Variants in ATP1A1 observed in about 807,000 individuals in gnomAD.
ATP1A1 encodes ATPase Na+/K+ transporting subunit alpha 1, also known as sodium/potassium-transporting ATPase subunit alpha-1.
A neutral mutation model predicts 114.8 loss-of-function variants in ATP1A1; 14 were observed. That is an observed-to-expected ratio of 0.12 (90% CI 0.08 to 0.19). The LOEUF is 0.19. Ranked by LOEUF, ATP1A1 falls within the 10% of genes least tolerant of loss-of-function variation. The pLI, the probability that ATP1A1 is intolerant of heterozygous loss-of-function variation, is 1.00. For synonymous variants in ATP1A1, 471 were observed against 466.3 expected, an observed-to-expected ratio of 1.01 and a Z score of -0.13; for missense variants, 524 against 1,290.7, an observed-to-expected ratio of 0.41 and a Z score of 9.10.
At chr1:116,396,276 C>CTTTT (rs367825500) in intron 13 of ATP1A1, among the ~76,000 whole-genome samples, 1,390 of 102,518 alleles carry the variant, frequency 0.014, 15 homozygotes, top group African/African-American at 0.035. Context: ...GATTTTTATC[C>CTTTT]TTTTTTTTTT....
At position 116,389,085 on chromosome 1, in the gene ATP1A1, C is replaced by A; in HGVS notation, c.754+66C>A. ...CTCTTGGGCATTAACAAAATCAAAACCATAGGCACAATCTCTTGTTTTATT... is the reference window on the plus strand; with the variant it reads ...CTCTTGGGCATTAACAAAATCAAAAACATAGGCACAATCTCTTGTTTTATT... On this transcript the variant is annotated intron_variant, in intron 7 of 22. Coordinates refer to ENST00000295598, the MANE Select transcript of ATP1A1 (RefSeq NM_000701.8). The surrounding 1 kb of genome is among the most constrained non-coding windows in gnomAD (Gnocchi z 6.9). 1 of 1,379,406 alleles carries A rather than the reference C, an allele frequency of 7.2e-7. No individual in the cohort carries two copies. The highest frequency in any genetic ancestry group is 1.0e-6 in the Non-Finnish European group (1 of 973,676). 85.4% of individuals were successfully genotyped at this position (1,379,406 alleles called of 1,614,324 possible). A position where few individuals can be genotyped will look rare whatever the true frequency, so the allele number is the denominator to read the frequency against.
Position 116,397,884 on chromosome 1 carries a change from C to A in ATP1A1, c.1974-4C>A, listed in dbSNP as rs764413614. Reference sequence around the variant, plus strand: ...CTTTTTTTTTTTTTTTGTCCTAATTCTAGGGATGCCAAGGCCTGCGTAGTA... The same window carrying A: ...CTTTTTTTTTTTTTTTGTCCTAATTATAGGGATGCCAAGGCCTGCGTAGTA... On this transcript the variant is annotated splice_region_variant and splice_polypyrimidine_tract_variant and intron_variant, in intron 14 of 22. Coordinates refer to ENST00000295598, the MANE Select transcript of ATP1A1 (RefSeq NM_000701.8). This position sits in a 1 kb window ranked among gnomAD's most constrained non-coding sequence, Gnocchi z 4.2. 2 of 1,525,932 alleles carry A rather than the reference C, an allele frequency of 1.3e-6. No individual in the cohort carries two copies. The highest frequency in any genetic ancestry group is 8.7e-7 in the Non-Finnish European group (1 of 1,145,116). 94.5% of individuals were successfully genotyped at this position (1,525,932 alleles called of 1,614,324 possible).
Position 116,385,320 on chromosome 1 carries a change from C to T in ATP1A1, c.183+478C>T, listed in dbSNP as rs1652012749. On this transcript the variant is annotated intron_variant, in intron 3 of 22. Transcript: ENST00000295598. The surrounding 1 kb of genome is among the most constrained non-coding windows in gnomAD (Gnocchi z 4.3). ...TCATTTAGTTGGAAATTGTTTTGTA[C>T]AAAAATTAAAGAAACCTTTTCATAA... 1 of 158,100 alleles carries T rather than the reference C, an allele frequency of 6.3e-6. No individual in the cohort carries two copies. The highest frequency in any genetic ancestry group is 1.8e-4 in the South Asian group (1 of 5,440). 9.8% of individuals were successfully genotyped at this position (158,100 alleles called of 1,614,324 possible).
rs1052589686 is a variant in ATP1A1 at position 116,404,212 on chromosome 1, C to T, written c.3044-204C>T. On this transcript the variant is annotated intron_variant, in intron 22 of 22. Coordinates refer to ENST00000295598, the MANE Select transcript of ATP1A1 (RefSeq NM_000701.8). The surrounding 1 kb of genome is among the most constrained non-coding windows in gnomAD (Gnocchi z 4.8). ...CAAACCAAGTATGATTTAGTGAAAA[C>T]TTGTCAGAATCTAAACCATCTTTCC... Among the ~76,000 whole-genome samples, 10 of 152,194 alleles carry T rather than the reference C, an allele frequency of 6.6e-5. No homozygotes were observed. Among genetic ancestry groups the T allele is most frequent in the Non-Finnish European group, 1.3e-4 (9 of 68,026 alleles).
intron 10 of ATP1A1, 49 bp downstream of exon 10, chr1:116,390,940 C>T: frequency 6.6e-7 from 1 of 1,513,316 alleles, no homozygotes; most frequent in Non-Finnish European, 9.2e-7. Flanking sequence ...CACATGAGAA[C>T]TGCCATTTGA....
rs1368898009 is a variant in ATP1A1, at chr1:116,395,684, G to A, written c.1836+399G>A. Among the ~76,000 whole-genome samples, 1 of 152,152 alleles carries A rather than the reference G, an allele frequency of 6.6e-6. No individual in the cohort carries two copies. The highest frequency in any genetic ancestry group is 2.4e-5 in the African/African-American group (1 of 41,408). ...TGTATCTGTCTTTTTTTAAGTAGCT[G>A]AATATTACTCAAGTGCACTAATATC... On this transcript the variant is annotated intron_variant, in intron 13 of 22. Coordinates refer to ENST00000295598, the MANE Select transcript of ATP1A1 (RefSeq NM_000701.8). This position sits in a 1 kb window ranked among gnomAD's most constrained non-coding sequence, Gnocchi z 6.4.
chr1:116,375,198 A>G (rs1389778201), intron 1 of ATP1A1, among the ~76,000 whole-genome samples: 1 of 152,262 alleles, frequency 6.6e-6, no homozygotes, highest in Non-Finnish European at 1.5e-5. Context: ...GTGTGCCCCA[A>G]GCCTAGGAAG....
rs143154361 is a variant in ATP1A1, at chr1:116,398,934, T to A, written c.2298T>A (p.Arg766=). The A allele has an allele frequency of 1.9e-6, 3 of 1,614,190 alleles. No homozygotes were observed. Among genetic ancestry groups the A allele is most frequent in the Non-Finnish European group, 2.5e-6 (3 of 1,179,992 alleles). The change falls in exon 17 of 23, where the codon CGT becomes CGA. Residue 766 remains arginine (R), a synonymous_variant. Coordinates refer to ENST00000295598, the MANE Select transcript of ATP1A1 (RefSeq NM_000701.8). This position sits in a 1 kb window ranked among gnomAD's most constrained non-coding sequence, Gnocchi z 6.1. ...AAAAAATCTTGGTTTTCATAGGTCG[T>A]CTGATCTTTGATAACTTGAAGAAAT... is the stretch of plus-strand genomic sequence containing the variant. ...ASIVTGVEEG[R]LIFDNLKKSI... is the part of the protein sequence containing the mutation.
chr1:116,377,397 T>C (rs1021510139), intron 1 of ATP1A1, among the ~76,000 whole-genome samples: 4 of 152,224 alleles, frequency 2.6e-5, no homozygotes, highest in Non-Finnish European at 4.4e-5. Context: ...CTTGCAAAAT[T>C]AGAGAGCAGT....
chr1:116,393,044 G>A lies in ATP1A1; in HGVS notation c.1467+56G>A. 6.3e-7 allele frequency: 1 copy of A among 1,598,954 alleles called. No individual in the cohort carries two copies. Among genetic ancestry groups the A allele is most frequent in the East Asian group, 2.2e-5 (1 of 44,560 alleles). Reference sequence around the variant, plus strand: ...AGGGCAAGCTGGGGGACAAAGAGGGGAGGTACATGAGCAGGAAGAGGAAAT... The same window carrying A: ...AGGGCAAGCTGGGGGACAAAGAGGGAAGGTACATGAGCAGGAAGAGGAAAT... On this transcript the variant is annotated intron_variant, in intron 11 of 22. Transcript: ENST00000295598. This position sits in a 1 kb window ranked among gnomAD's most constrained non-coding sequence, Gnocchi z 5.0.
Position 116,389,413 on chromosome 1 carries a change from C to G in ATP1A1, c.755-26C>G, listed in dbSNP as rs1315411361. The G allele has an allele frequency of 6.2e-7, 1 of 1,612,150 alleles. No individual in the cohort carries two copies. The highest frequency in any genetic ancestry group is 1.7e-5 in the Admixed American group (1 of 59,980). ...CCTTCAGGTTAGATACAATTAGGTA[C>G]AGTTCTCCCTCCCCTTCTTTTTAAG... is the stretch of plus-strand genomic sequence containing the variant. On this transcript the variant is annotated intron_variant, in intron 7 of 22. Coordinates refer to ENST00000295598, the MANE Select transcript of ATP1A1 (RefSeq NM_000701.8). This position sits in a 1 kb window ranked among gnomAD's most constrained non-coding sequence, Gnocchi z 6.9.
chr1:116,375,322 T>G (rs932340597), intron 1 of ATP1A1, among the ~76,000 whole-genome samples: 17 of 152,162 alleles, frequency 1.1e-4, no homozygotes, highest in African/African-American at 4.1e-4. Flanking sequence ...TAACATTGAG[T>G]TCTTTATACA....
intron 13 of ATP1A1, 61 bp from the exon 14 acceptor site, chr1:116,396,537 A>G (rs1652947987): frequency 1.9e-6 from 3 of 1,591,870 alleles, no homozygotes; most frequent in Admixed American, 1.7e-5. Context: ...CCTACTGGAT[A>G]TAAGACTTTA....
chr1:116,398,879 T>C lies in ATP1A1; in HGVS notation c.2294-51T>C, dbSNP rs1308301150. On this transcript the variant is annotated intron_variant, in intron 16 of 22. Transcript: ENST00000295598. This position sits in a 1 kb window ranked among gnomAD's most constrained non-coding sequence, Gnocchi z 6.1. ...GTATACTTCTTGGATATGTTCAGTTTCCAGTGTGCTTGTCTCATAAGCTAA... is the reference window on the plus strand; with the variant it reads ...GTATACTTCTTGGATATGTTCAGTTCCCAGTGTGCTTGTCTCATAAGCTAA... The C allele has an allele frequency of 6.2e-7, 1 of 1,611,990 alleles. No individual in the cohort carries two copies. The highest frequency in any genetic ancestry group is 1.7e-5 in the Admixed American group (1 of 59,970).
chr1:116,401,396 A>C lies in ATP1A1; in HGVS notation c.2849+136A>C. On this transcript the variant is annotated intron_variant, in intron 20 of 22. Transcript: ENST00000295598. This position sits in a 1 kb window ranked among gnomAD's most constrained non-coding sequence, Gnocchi z 4.7. Reference sequence around the variant, plus strand: ...CTCTAGTTTATAGAGCAAATTTAGGAAGCAAGAAATGTAGCTTTCTAGTTT... The same window carrying C: ...CTCTAGTTTATAGAGCAAATTTAGGCAGCAAGAAATGTAGCTTTCTAGTTT... 5 of 1,499,456 alleles carry C rather than the reference A, an allele frequency of 3.3e-6. No individual in the cohort carries two copies. Among genetic ancestry groups the C allele is most frequent in the Non-Finnish European group, 4.5e-6 (5 of 1,105,618 alleles). 92.9% of individuals were successfully genotyped at this position (1,499,456 alleles called of 1,614,324 possible).
In ATP1A1 at chr1:116,401,914, T is replaced by C; in HGVS notation, c.2951+259T>C. The C allele has an allele frequency of 5.9e-6, 3 of 505,868 alleles. No individual in the cohort carries two copies. Among genetic ancestry groups the C allele is most frequent in the Non-Finnish European group, 1.1e-5 (3 of 284,816 alleles). The allele number at this position is 505,868 out of a possible 1,614,324, so 31.3% of individuals were successfully genotyped here. A position where few individuals can be genotyped will look rare whatever the true frequency, so the allele number is the denominator to read the frequency against. On this transcript the variant is annotated intron_variant, in intron 21 of 22. Coordinates refer to ENST00000295598, the MANE Select transcript of ATP1A1 (RefSeq NM_000701.8). This position sits in a 1 kb window ranked among gnomAD's most constrained non-coding sequence, Gnocchi z 4.7. ...ACAGGCTCTAGCTCCATGGAACTGC[T>C]CAACAGCGAACTGCATTGAGCACTC...
intron 12 of ATP1A1, among the ~76,000 whole-genome samples, chr1:116,394,008 TA>T (rs936308669): frequency 0.02 from 2,936 of 148,396 alleles, 93 homozygotes; most frequent in African/African-American, 0.065. Flanking sequence ...TCTGTTTGTT[TA>T]AAAAAAAAAA....
Position 116,373,370 on chromosome 1 carries a change from T to TCCCC in ATP1A1, c.-139_-138insCCCC. 6.0e-6 allele frequency: 2 copies of TCCCC among 333,834 alleles called. No individual in the cohort carries two copies. The highest frequency in any genetic ancestry group is 8.9e-5 in the East Asian group (1 of 11,240). 20.7% of individuals were successfully genotyped at this position (333,834 alleles called of 1,614,324 possible). On this transcript the variant is annotated 5_prime_UTR_variant, in exon 1 of 23. Transcript: ENST00000295598. ...CATCGGCCCGAGCCGCCGGCCGCCCTCCCACCCTCCCGCCCCGCGGCAGCC... is the reference window on the plus strand; with the variant it reads ...CATCGGCCCGAGCCGCCGGCCGCCCTCCCCCCCACCCTCCCGCCCCGCGGCAGCC...
chr1:116,373,964 C>T (rs1352439492), intron 1 of ATP1A1: 2 of 1,355,114 alleles, frequency 1.5e-6, no homozygotes, highest in Non-Finnish European at 1.9e-6. Flanking sequence ...TTCCCTCCGC[C>T]CTCCGTGCCC....
Sources: allele counts gnomAD v4.1 joint callset (sites outside exome capture counted in the v4.1 genomes callset), GRCh38; gene constraint gnomAD v4.1.1; non-coding constraint Gnocchi (gnomAD v3.1); transcripts MANE v1.5; gene names NCBI Gene and HGNC (gene_info 2026-07-23, HGNC 2026-07-21).